The following HCRTR2 variants were observed in gnomAD, a reference collection of about 807,000 sequenced individuals.
HCRTR2 encodes orexin receptor type 2.
A neutral mutation model predicts 49.0 loss-of-function variants in HCRTR2; 22 were observed. The observed-to-expected ratio is 0.45, with a 90% CI of 0.32 to 0.64. The LOEUF is 0.64. Among genes scored for constraint, HCRTR2 ranks in the 30% least tolerant of loss-of-function variants. HCRTR2 has a pLI of 0.04. For missense variants in HCRTR2, 491 were observed against 559.4 expected, an observed-to-expected ratio of 0.88 and a Z score of 1.23; for synonymous variants, 236 against 205.3, an observed-to-expected ratio of 1.15 and a Z score of -1.28.
At chr6:55,165,845 A>G (rs1455490588) in intron 1 of HCRTR2, among the ~76,000 whole-genome samples, 1 of 150,410 alleles carries the variant, frequency 6.6e-6, no homozygotes, top group East Asian at 2.0e-4. Flanking sequence ...AATAGGCAAT[A>G]AATAGCTATT....
intron 1 of HCRTR2, among the ~76,000 whole-genome samples, chr6:55,127,399 C>G (rs1764296813): frequency 6.6e-6 from 1 of 152,082 alleles, no homozygotes; most frequent in African/African-American, 2.4e-5. Flanking sequence ...CCAAAGCATT[C>G]ACTGTCCAAC....
intron 1 of HCRTR2, among the ~76,000 whole-genome samples, chr6:55,210,035 TA>T (rs952895636): frequency 2.6e-5 from 4 of 151,936 alleles, no homozygotes; most frequent in African/African-American, 4.8e-5. Flanking sequence ...AACTTTTAGA[TA>T]AAAAAAACTA....
chr6:55,208,758 G>A (rs1036901207), intron 1 of HCRTR2, among the ~76,000 whole-genome samples: 1 of 152,154 alleles, frequency 6.6e-6, no homozygotes, highest in Non-Finnish European at 1.5e-5. Flanking sequence ...GTAATGTAAT[G>A]CAGCCATGAT....
chr6:55,141,717 A>T (rs1055601389), intron 1 of HCRTR2, among the ~76,000 whole-genome samples: 1 of 152,194 alleles, frequency 6.6e-6, no homozygotes, highest in East Asian at 1.9e-4. Context: ...CCTAGAGAAC[A>T]AACAATACAA....
intron 1 of HCRTR2, among the ~76,000 whole-genome samples, chr6:55,239,415 A>G (rs1488867864): frequency 6.6e-6 from 1 of 152,154 alleles, no homozygotes; most frequent in African/African-American, 2.4e-5. Context: ...TGTCTGAAGA[A>G]CTTGTTTATG....
intron 1 of HCRTR2, among the ~76,000 whole-genome samples, chr6:55,204,599 C>T (rs764836511): frequency 1.3e-5 from 2 of 152,086 alleles, no homozygotes; most frequent in Admixed American, 6.6e-5. Context: ...AGCTATCACA[C>T]TCTTTATATA....
At chr6:55,217,307 C>G (rs771386327) in intron 1 of HCRTR2, among the ~76,000 whole-genome samples, 5 of 152,164 alleles carry the variant, frequency 3.3e-5, no homozygotes, top group African/African-American at 1.2e-4. Context: ...CTTTAGCAAG[C>G]AGTTTTGCTG....
Position 55,263,675 on chromosome 6 carries a change from G to A in HCRTR2, c.647-32G>A, listed in dbSNP as rs200275545. 180 of 1,142,998 alleles carry A rather than the reference G, an allele frequency of 1.6e-4. 1 individual carries two copies. In the African/African-American group the frequency reaches 2.3e-3, roughly 15 times the overall value. The allele number at this position is 1,142,998 out of a possible 1,614,324, so 70.8% of individuals were successfully genotyped here. A position where few individuals can be genotyped will look rare whatever the true frequency, so the allele number is the denominator to read the frequency against. On this transcript the variant is annotated intron_variant, in intron 3 of 6. Transcript: ENST00000370862. The stretch of plus-strand genomic sequence containing the variant: ...TTTTTAAAAGTCCATCAATTGTAAC[G>A]TAAGGTTTTGTTGTTTTGACTTTCA...
At chr6:55,177,939 G>A (rs377318491) in intron 1 of HCRTR2, among the ~76,000 whole-genome samples, 2 of 152,286 alleles carry the variant, frequency 1.3e-5, no homozygotes, top group East Asian at 3.9e-4. Context: ...TCTAAGGAAG[G>A]AGCATAGGGT....
At chr6:55,148,797 T>C (rs1764627503) in intron 1 of HCRTR2, among the ~76,000 whole-genome samples, 1 of 152,150 alleles carries the variant, frequency 6.6e-6, no homozygotes, top group Non-Finnish European at 1.5e-5. Flanking sequence ...GATAGATCTA[T>C]GACATTTTAT....
intron 1 of HCRTR2, among the ~76,000 whole-genome samples, chr6:55,147,387 G>T (rs1764609644): frequency 6.6e-6 from 1 of 152,094 alleles, no homozygotes; most frequent in African/African-American, 2.4e-5. Context: ...CTATAAATTT[G>T]CACAGACATA....
At chr6:55,266,222 A>G (rs1444778898) in intron 4 of HCRTR2, among the ~76,000 whole-genome samples, 2 of 152,116 alleles carry the variant, frequency 1.3e-5, no homozygotes, top group Non-Finnish European at 2.9e-5. Context: ...ATATGTGACT[A>G]TTTTTTAAAA....
intron 1 of HCRTR2, among the ~76,000 whole-genome samples, chr6:55,196,453 C>G (rs1765411318): frequency 6.6e-6 from 1 of 152,126 alleles, no homozygotes; most frequent in South Asian, 2.1e-4. Flanking sequence ...ATAGAGGTGC[C>G]TAAGATCTTT....
chr6:55,236,095 A>T (rs1766207598), intron 1 of HCRTR2, among the ~76,000 whole-genome samples: 4 of 152,012 alleles, frequency 2.6e-5, no homozygotes, highest in Admixed American at 2.6e-4. Context: ...ATTTTAGAGA[A>T]AACTCACAGC....
At chr6:55,246,949 G>A (rs1377086434) in intron 1 of HCRTR2, among the ~76,000 whole-genome samples, 6 of 152,038 alleles carry the variant, frequency 3.9e-5, no homozygotes, top group African/African-American at 4.8e-5. Context: ...GCCATTGCTC[G>A]TGTCCAAAAT....
intron 4 of HCRTR2, among the ~76,000 whole-genome samples, chr6:55,270,843 T>C (rs1766959372): frequency 6.6e-6 from 1 of 152,082 alleles, no homozygotes; most frequent in South Asian, 2.1e-4. Flanking sequence ...GGATATTCAA[T>C]CGGTACACAA....
intron 1 of HCRTR2, among the ~76,000 whole-genome samples, chr6:55,142,458 T>C (rs1764521077): frequency 6.6e-6 from 1 of 151,680 alleles, no homozygotes; most frequent in African/African-American, 2.4e-5. Context: ...TCCACCCGCT[T>C]CGGCCTCTAA....
chr6:55,224,117 T>A (rs1581840031), intron 1 of HCRTR2, among the ~76,000 whole-genome samples: 1 of 152,330 alleles, frequency 6.6e-6, no homozygotes, highest in Admixed American at 6.5e-5. Flanking sequence ...GAAAGTCAAT[T>A]CAAAGTGTTG....
At chr6:55,208,629 T>C (rs1319734912) in intron 1 of HCRTR2, among the ~76,000 whole-genome samples, 1 of 152,214 alleles carries the variant, frequency 6.6e-6, no homozygotes, top group Non-Finnish European at 1.5e-5. Context: ...ATGTTATCTA[T>C]GTCATCTATT....
Sources: allele counts gnomAD v4.1 joint callset (sites outside exome capture counted in the v4.1 genomes callset), GRCh38; gene constraint gnomAD v4.1.1; transcripts MANE v1.5; gene names NCBI Gene and HGNC (gene_info 2026-07-23, HGNC 2026-07-21).